The following NR4A3 variants were observed in gnomAD, a reference collection of about 807,000 sequenced individuals.
NR4A3 encodes chondrosarcoma, extraskeletal myxoid, fused to EWS.
Under a neutral mutation model 55.6 loss-of-function variants are expected in NR4A3, and 13 were observed. That is an observed-to-expected ratio of 0.23 (90% CI 0.15 to 0.37). The LOEUF is 0.37. NR4A3 is among the 10% of genes least tolerant of loss of function. NR4A3 has a pLI of 1.00. For missense variants in NR4A3, 646 were observed against 822.8 expected (o/e 0.79, Z 2.63); for synonymous variants, 342 against 357.9 (o/e 0.96, Z 0.50).
chr9:99,821,910 T>G lies in NR4A3; in HGVS notation c.-674T>G, dbSNP rs1199860336. On this transcript the variant is annotated 5_prime_UTR_variant, in exon 1 of 8. Coordinates refer to ENST00000395097, the MANE Select transcript of NR4A3 (RefSeq NM_006981.4). ...GCGCAGCCGGGAGAGCGGAGTCTCC[T>G]GCCTCCCGCCCCCCACCCCTCCAGC... 6.7e-6 allele frequency: 1 copy of G among 150,036 alleles called. No homozygotes were observed. The highest frequency in any genetic ancestry group is 1.5e-5 in the Non-Finnish European group (1 of 67,116). 9.3% of individuals were successfully genotyped at this position (150,036 alleles called of 1,614,324 possible). A position where few individuals can be genotyped will look rare whatever the true frequency, so the allele number is the denominator to read the frequency against.
chr9:99,849,214 C>G (rs1827806889), intron 7 of NR4A3, among the ~76,000 whole-genome samples: 1 of 152,166 alleles, frequency 6.6e-6, no homozygotes, highest in Non-Finnish European at 1.5e-5. Flanking sequence ...AGAGGCTAGG[C>G]TGGTTCATCA....
Position 99,864,037 on chromosome 9 carries a change from A to C in NR4A3, c.*170A>C. On this transcript the variant is annotated 3_prime_UTR_variant, in exon 8 of 8. Transcript: ENST00000395097. ...TCTGGCTCTTTTCCTTACAACCTAA[A>C]GCCAGAAAACTTGCAGAGTATTGTG... 3.0e-6 allele frequency: 2 copies of C among 663,796 alleles called. No homozygotes were observed. Among genetic ancestry groups the C allele is most frequent in the Admixed American group, 3.3e-5 (1 of 30,614 alleles). 41.1% of individuals were successfully genotyped at this position (663,796 alleles called of 1,614,324 possible). A position where few individuals can be genotyped will look rare whatever the true frequency, so the allele number is the denominator to read the frequency against.
At position 99,865,541 on chromosome 9, in the gene NR4A3, C is replaced by G. The variant is rs1828082151; in HGVS notation, c.*1674C>G. 5.4e-6 allele frequency: 1 copy of G among 184,616 alleles called. No individual in the cohort carries two copies. The highest frequency in any genetic ancestry group is 1.2e-5 in the Non-Finnish European group (1 of 86,802). 11.4% of individuals were successfully genotyped at this position (184,616 alleles called of 1,614,324 possible). A position where few individuals can be genotyped will look rare whatever the true frequency, so the allele number is the denominator to read the frequency against. ...AGTCTTTATATTATATACTCTGTAT[C>G]AAGTCAAAATATCTTTGGCCATTTT... On this transcript the variant is annotated 3_prime_UTR_variant, in exon 8 of 8. Transcript: ENST00000395097. The surrounding 1 kb of genome is among the most constrained non-coding windows in gnomAD (Gnocchi z 4.3).
Position 99,833,299 on chromosome 9 carries a change from C to A in NR4A3, c.1099C>A (p.Leu367Met). 1 of 1,612,498 alleles carries A rather than the reference C, an allele frequency of 6.2e-7. No individual in the cohort carries two copies. The highest frequency in any genetic ancestry group is 8.5e-7 in the Non-Finnish European group (1 of 1,179,216). ...MVKEVVRTDS[L>M]KGRRGRLPSK... Reference sequence around the variant, plus strand: ...GGCATCAGTTGTCCGTACAGATAGTCTGAAAGGGAGGAGAGGTCGTCTGCC... The same window carrying A: ...GGCATCAGTTGTCCGTACAGATAGTATGAAAGGGAGGAGAGGTCGTCTGCC... Residue 367 changes from leucine to methionine, a missense_variant, in exon 5 of 8, where the codon CTG becomes ATG. Leu to Met is a conservative substitution (Grantham distance 15). This residue lies in a region of NR4A3 where 44 missense variants were observed against 119.3 expected (regional missense o/e 0.37). Transcript: ENST00000395097.
rs748816839 is a variant in NR4A3, at chr9:99,833,256, G to T, written c.1082-26G>T. The T allele has an allele frequency of 9.6e-6, 15 of 1,557,876 alleles. No individual in the cohort carries two copies. The East Asian group carries it at 3.2e-4, about 33-fold the overall frequency. On this transcript the variant is annotated intron_variant, in intron 4 of 7. Coordinates refer to ENST00000395097, the MANE Select transcript of NR4A3 (RefSeq NM_006981.4). ...GTTCATTCCATAATCTTTGAAGATTGTTTTCTTTGTCTCTTTTGGCATCAG... is the reference window on the plus strand; with the variant it reads ...GTTCATTCCATAATCTTTGAAGATTTTTTTCTTTGTCTCTTTTGGCATCAG...
In NR4A3 at chr9:99,828,129, G is replaced by A; in HGVS notation, c.87G>A (p.Glu29=). 6.2e-7 allele frequency: 1 copy of A among 1,614,044 alleles called. No individual in the cohort carries two copies. Among genetic ancestry groups the A allele is most frequent in the Non-Finnish European group, 8.5e-7 (1 of 1,180,014 alleles). The stretch of plus-strand genomic sequence containing the variant: ...CATACAGCTCGGAATACACCACGGA[G>A]ATCATGAACCCCGACTACACCAAGC... The part of the protein sequence containing the change: ...AQTYSSEYTT[E]IMNPDYTKLT... Residue 29 remains glutamate, a synonymous_variant, in exon 3 of 8, where the codon GAG becomes GAA. Transcript: ENST00000395097. This position sits in a 1 kb window ranked among gnomAD's most constrained non-coding sequence, Gnocchi z 7.7.
chr9:99,860,860 G>A (rs1439637701), intron 7 of NR4A3, among the ~76,000 whole-genome samples: 1 of 152,218 alleles, frequency 6.6e-6, no homozygotes. Context: ...GCACTCTACA[G>A]CTGACAGACC....
chr9:99,864,576 A>G lies in NR4A3; in HGVS notation c.*709A>G. On this transcript the variant is annotated 3_prime_UTR_variant, in exon 8 of 8. Coordinates refer to ENST00000395097, the MANE Select transcript of NR4A3 (RefSeq NM_006981.4). Reference sequence around the variant, plus strand: ...AGTCATGTTAGCAAATGACACGTTAATATCCCTAGCAGAGGCTGTGTTCAC... The same window carrying G: ...AGTCATGTTAGCAAATGACACGTTAGTATCCCTAGCAGAGGCTGTGTTCAC... 1 of 228,106 alleles carries G rather than the reference A, an allele frequency of 4.4e-6. No individual in the cohort carries two copies. The highest frequency in any genetic ancestry group is 8.7e-6 in the Non-Finnish European group (1 of 114,594). The allele number at this position is 228,106 out of a possible 1,614,324, so 14.1% of individuals were successfully genotyped here.
At chr9:99,855,729 C>T (rs1251722511) in intron 7 of NR4A3, among the ~76,000 whole-genome samples, 1 of 152,188 alleles carries the variant, frequency 6.6e-6, no homozygotes, top group East Asian at 1.9e-4. Context: ...AGGTGAATTC[C>T]CAGAGAAAGG....
At chr9:99,845,256 G>T (rs1412980128) in intron 6 of NR4A3, among the ~76,000 whole-genome samples, 1 of 152,144 alleles carries the variant, frequency 6.6e-6, no homozygotes, top group Admixed American at 6.5e-5. Context: ...TACCTCGTGG[G>T]TTTCTGTTTA....
At chr9:99,844,552 A>T (rs1827719492) in intron 5 of NR4A3, 97 bp from the exon 6 acceptor site, 1 of 901,718 alleles carries the variant, frequency 1.1e-6, no homozygotes, top group Admixed American at 2.0e-5. Flanking sequence ...AAAAGTAAGA[A>T]TTTAGGCATT....
intron 5 of NR4A3, among the ~76,000 whole-genome samples, chr9:99,842,754 T>A (rs1250445626): frequency 1.3e-5 from 2 of 151,382 alleles, no homozygotes; most frequent in Non-Finnish European, 2.9e-5. Flanking sequence ...TCCCACCAGC[T>A]AGTAACATCA....
chr9:99,826,934 G>T, intron 2 of NR4A3: 1 of 730,850 alleles, frequency 1.4e-6, no homozygotes. Context: ...ACCAAAAACC[G>T]CCGTTTTTTA....
chr9:99,848,794 A>G (rs1421841891), intron 7 of NR4A3, among the ~76,000 whole-genome samples: 3 of 152,218 alleles, frequency 2.0e-5, no homozygotes, highest in African/African-American at 7.2e-5. Context: ...AGGAAAGAAT[A>G]TCATCTCCCT....
intron 3 of NR4A3, among the ~76,000 whole-genome samples, chr9:99,830,981 T>TG (rs1318526021): frequency 6.6e-6 from 1 of 151,892 alleles, no homozygotes; most frequent in Non-Finnish European, 1.5e-5. Flanking sequence ...GGGGGCAAGA[T>TG]GGGGGAGAAT....
Position 99,828,074 on chromosome 9 carries a change from C to T in NR4A3, c.32C>T (p.Ser11Phe). 1 of 1,614,054 alleles carries T rather than the reference C, an allele frequency of 6.2e-7. No homozygotes were observed. The highest frequency in any genetic ancestry group is 8.5e-7 in the Non-Finnish European group (1 of 1,179,954). The change falls in exon 3 of 8, where the codon TCC becomes TTC. Residue 11 changes from serine (S) to phenylalanine (F), a missense_variant. Physicochemically the swap from Ser to Phe is radical, Grantham distance 155. Coordinates refer to ENST00000395097, the MANE Select transcript of NR4A3 (RefSeq NM_006981.4). This position sits in a 1 kb window ranked among gnomAD's most constrained non-coding sequence, Gnocchi z 7.7. MPCVQAQYSPSPPGSSYAAQT... is the reference protein window; with the variant it reads MPCVQAQYSPFPPGSSYAAQT... ...TGCGTCCAAGCCCAATATAGCCCTT[C>T]CCCTCCAGGTTCCAGTTATGCGGCG...
At chr9:99,826,691 C>A in intron 2 of NR4A3, 1 of 1,289,958 alleles carries the variant, frequency 7.8e-7, no homozygotes, top group Non-Finnish European at 1.1e-6. Context: ...TAAAGAAAGG[C>A]TTGAACTGGC....
At chr9:99,833,173 T>A in intron 4 of NR4A3, 109 bp from the exon 5 acceptor site, 14 of 1,337,402 alleles carry the variant, frequency 1.0e-5, no homozygotes, top group Non-Finnish European at 1.4e-5. Flanking sequence ...AAATGGTTGG[T>A]CTCATTAATG....
chr9:99,834,710 A>C (rs1827521125), intron 5 of NR4A3: 1 of 748,506 alleles, frequency 1.3e-6, no homozygotes, highest in Non-Finnish European at 1.6e-6. Flanking sequence ...CAGTGTTGAT[A>C]GAAATGATTA....
Sources: allele counts gnomAD v4.1 joint callset (sites outside exome capture counted in the v4.1 genomes callset), GRCh38; gene constraint gnomAD v4.1.1; regional missense constraint gnomAD v4.1.1; non-coding constraint Gnocchi (gnomAD v3.1); transcripts MANE v1.5; gene names NCBI Gene and HGNC (gene_info 2026-07-23, HGNC 2026-07-21).